MPDZ: variants seen among roughly 807,000 people sequenced by gnomAD.
The protein encoded by MPDZ is multiple PDZ domain protein.
MPDZ carries 234 observed loss-of-function variants against 239.1 expected under a neutral mutation model. The ratio of observed to expected loss-of-function variants is 0.98; its 90% confidence interval spans 0.88 to 1.09. The LOEUF (loss-of-function observed/expected upper bound fraction) is 1.09. Ranked by LOEUF, MPDZ falls within the 50% of genes least tolerant of loss-of-function variation. MPDZ has a pLI of 0.00. For missense variants in MPDZ, 3,175 were observed against 2,510.0 expected, an observed-to-expected ratio of 1.26 and a Z score of -5.66; for synonymous variants, 1,048 against 881.3, an observed-to-expected ratio of 1.19 and a Z score of -3.35.
chr9:13,217,057 A>C, intron 9 of MPDZ, 123 bp downstream of exon 9: 1 of 825,216 alleles, frequency 1.2e-6, no homozygotes, highest in Non-Finnish European at 1.9e-6. Context: ...AATTATTCCT[A>C]AGGAAGTTTT....
At chr9:13,215,975 T>C (rs1424547522) in intron 10 of MPDZ, among the ~76,000 whole-genome samples, 2 of 134,308 alleles carry the variant, frequency 1.5e-5, no homozygotes, top group African/African-American at 2.9e-5. Context: ...TTTTTAGAGA[T>C]AGGATCTGCC....
chr9:13,197,460 TTC>T (rs574013751), intron 12 of MPDZ, among the ~76,000 whole-genome samples: 3 of 152,084 alleles, frequency 2.0e-5, no homozygotes, highest in Non-Finnish European at 2.9e-5. Context: ...ATTAACTATA[TTC>T]TCTTTTTAAA....
intron 2 of MPDZ, among the ~76,000 whole-genome samples, 197 bp downstream of exon 2, chr9:13,250,103 C>T (rs148949894): frequency 2.6e-5 from 4 of 152,144 alleles, no homozygotes; most frequent in East Asian, 3.9e-4. Context: ...TTATAAGTAA[C>T]GTATTTTTAC....
At chr9:13,215,322 A>G (rs1315655443) in intron 10 of MPDZ, among the ~76,000 whole-genome samples, 1 of 151,694 alleles carries the variant, frequency 6.6e-6, no homozygotes, top group Non-Finnish European at 1.5e-5. Flanking sequence ...ATAACATTCT[A>G]TTGGATATAT....
At chr9:13,136,325 C>CT (rs869272418) in intron 30 of MPDZ, 143 bp from the exon 31 acceptor site, 10,330 of 155,552 alleles carry the variant, frequency 0.066, 162 homozygotes, top group East Asian at 0.099. Context: ...CAAACGTTTT[C>CT]TTTTTTTTTT....
At chr9:13,168,624 T>C in intron 21 of MPDZ, 60 bp from the exon 22 acceptor site, 1 of 1,181,502 alleles carries the variant, frequency 8.5e-7, no homozygotes, top group Non-Finnish European at 1.2e-6. Flanking sequence ...TCATTTTAAT[T>C]TGAATTTAAT....
chr9:13,147,530 C>T lies in MPDZ; in HGVS notation c.3741+18G>A. 1 of 1,579,488 alleles carries T rather than the reference C, an allele frequency of 6.3e-7. No homozygotes were observed. Among genetic ancestry groups the T allele is most frequent in the Non-Finnish European group, 8.7e-7 (1 of 1,149,338 alleles). ...ACACTGTTTGGATATGCCTACCTTG[C>T]CCTTTGTGTTCGCTTACCCTTGGTC... On this transcript the variant is annotated intron_variant, in intron 26 of 46. Coordinates refer to ENST00000319217, the MANE Select transcript of MPDZ (RefSeq NM_001378778.1).
chr9:13,221,551 A>G (rs1189923894), intron 6 of MPDZ, 51 bp from the exon 7 acceptor site: 1 of 1,573,752 alleles, frequency 6.4e-7, no homozygotes, highest in Non-Finnish European at 8.6e-7. Flanking sequence ...AAGCACTACC[A>G]TTTTACATTA....
chr9:13,176,200 T>C lies in MPDZ; in HGVS notation c.2867A>G (p.His956Arg). The C allele has an allele frequency of 6.2e-7, 1 of 1,604,152 alleles. No homozygotes were observed. The highest frequency in any genetic ancestry group is 8.5e-7 in the Non-Finnish European group (1 of 1,174,568). ...ACTTGATATAACTTCACTTGGTAAA[T>C]GAGATTCAGTCCACACTATTGTGTT... ...CENTIVWTES[H>R]LPSEVISSAE... The change falls in exon 20 of 47, where the codon CAT (histidine) becomes CGT (arginine). Residue 956 changes from histidine to arginine, a missense_variant. By Grantham distance (29) the His-to-Arg change is conservative. Coordinates refer to ENST00000319217, the MANE Select transcript of MPDZ (RefSeq NM_001378778.1).
rs200746795 is a variant in MPDZ, at chr9:13,192,360, A to AT, written c.1804-66dup. The AT allele has an allele frequency of 7.0e-3, 9,595 of 1,380,446 alleles. 40 individuals are homozygous for AT. Among genetic ancestry groups the AT allele is most frequent in the Non-Finnish European group, 8.4e-3 (8,465 of 1,006,456 alleles). 85.5% of individuals were successfully genotyped at this position (1,380,446 alleles called of 1,614,324 possible). ...TAATATGAACATTCTTTTGAACACAATTTTTTTATTAAATATAAATTTTAC... is the reference window on the plus strand; with the variant it reads ...TAATATGAACATTCTTTTGAACACAATTTTTTTTATTAAATATAAATTTTAC... On this transcript the variant is annotated intron_variant, in intron 14 of 46. Transcript: ENST00000319217.
intron 28 of MPDZ, among the ~76,000 whole-genome samples, chr9:13,138,507 C>CA (rs1245229577): frequency 6.6e-6 from 1 of 152,156 alleles, no homozygotes; most frequent in African/African-American, 2.4e-5. Flanking sequence ...CTAAGGCATC[C>CA]AGAATATCTG....
chr9:13,224,417 G>C lies in MPDZ; in HGVS notation c.350C>G (p.Pro117Arg). 1 of 1,612,646 alleles carries C rather than the reference G, an allele frequency of 6.2e-7. No homozygotes were observed. ...AAGCTGATCAAATTCATCACAAGCA[G>C]GTTTCCCATTAATGTGTGGAATACC... ...GPGIPHINGK[P>R]ACDEFDQLIK... The change falls in exon 4 of 47, where the codon CCT (proline) becomes CGT (arginine). Residue 117 changes from proline (P) to arginine (R), a missense_variant. By Grantham distance (103) the Pro-to-Arg change is moderately radical. Transcript: ENST00000319217.
intron 28 of MPDZ, chr9:13,139,777 A>G (rs1405579293): frequency 1.0e-5 from 6 of 584,210 alleles, no homozygotes; most frequent in Admixed American, 2.4e-5. Context: ...GAGCTTTAAC[A>G]GCACTTTTAA....
intron 46 of MPDZ, among the ~76,000 whole-genome samples, chr9:13,107,568 A>G (rs1014591597): frequency 2.0e-5 from 3 of 152,182 alleles, no homozygotes; most frequent in Admixed American, 6.5e-5. Flanking sequence ...GGTCTGCAAA[A>G]GCACAAAGCC....
intron 24 of MPDZ, among the ~76,000 whole-genome samples, chr9:13,155,995 G>T (rs543675129): frequency 1.3e-5 from 2 of 152,138 alleles, no homozygotes; most frequent in South Asian, 4.1e-4. Context: ...AAATTTTCCA[G>T]TCCAGAAGTT....
At position 13,109,004 on chromosome 9, in the gene MPDZ, T is replaced by C. The variant is rs1941958507; in HGVS notation, c.5998A>G (p.Ser2000Gly). The change falls in exon 46 of 47, where the codon AGT (serine) becomes GGT (glycine). Residue 2000 changes from serine (S) to glycine (G), a missense_variant. By Grantham distance (56) the Ser-to-Gly change is moderately conservative. Coordinates refer to ENST00000319217, the MANE Select transcript of MPDZ (RefSeq NM_001378778.1). ...LERGPDGLGF[S>G]IVGGYGSPHG... Reference sequence around the variant, plus strand: ...GGGCTGCCATATCCTCCAACTATACTGAAGCCTAAGCCATCTGGTCCTCGC... The same window carrying C: ...GGGCTGCCATATCCTCCAACTATACCGAAGCCTAAGCCATCTGGTCCTCGC... The C allele has an allele frequency of 6.2e-7, 1 of 1,601,402 alleles. No homozygotes were observed. The highest frequency in any genetic ancestry group is 2.2e-5 in the East Asian group (1 of 44,484).
chr9:13,116,704 C>T (rs988409130), intron 39 of MPDZ, among the ~76,000 whole-genome samples: 1 of 151,990 alleles, frequency 6.6e-6, no homozygotes, highest in Non-Finnish European at 1.5e-5. Context: ...TTTCAAATAT[C>T]AAGGGTTTTG....
chr9:13,196,321 G>A (rs746276362), intron 12 of MPDZ, 91 bp from the exon 13 acceptor site: 16 of 803,726 alleles, frequency 2.0e-5, no homozygotes, highest in Admixed American at 4.6e-5. Context: ...ATCAGAACCC[G>A]CTGTATCACG....
At chr9:13,187,368 T>C (rs184952530) in intron 17 of MPDZ, among the ~76,000 whole-genome samples, 6 of 152,228 alleles carry the variant, frequency 3.9e-5, no homozygotes, top group Non-Finnish European at 7.4e-5. Flanking sequence ...AAAGGTATAT[T>C]GAGTCATGTT....
Sources: allele counts gnomAD v4.1 joint callset (sites outside exome capture counted in the v4.1 genomes callset), GRCh38; gene constraint gnomAD v4.1.1; transcripts MANE v1.5; gene names NCBI Gene and HGNC (gene_info 2026-07-23, HGNC 2026-07-21).